CSMD1: variants seen among roughly 807,000 people sequenced by gnomAD.
The protein encoded by CSMD1 is CUB and Sushi multiple domains 1, also known as CUB and sushi domain-containing protein 1.
CSMD1 carries 213 observed loss-of-function variants against 417.5 expected under a neutral mutation model. That is an observed-to-expected ratio of 0.51 (90% confidence interval 0.46 to 0.57). The LOEUF is 0.57. CSMD1 is among the 20% of genes least tolerant of loss of function. The probability of loss-of-function intolerance (pLI) is 0.00; values close to 1 mark genes in which losing one functional copy is unlikely to be tolerated. For synonymous variants in CSMD1, 2,862 were observed against 1,736.8 expected, an observed-to-expected ratio of 1.65 and a Z score of -16.11; for missense variants, 6,923 against 4,529.7, an observed-to-expected ratio of 1.53 and a Z score of -15.17.
intron 3 of CSMD1, among the ~76,000 whole-genome samples, chr8:4,376,280 C>T (rs1000727772): frequency 2.6e-5 from 4 of 152,058 alleles, no homozygotes; most frequent in African/African-American, 9.7e-5. Context: ...TAAGAATGAC[C>T]TGTGGCCATT....
intron 2 of CSMD1, among the ~76,000 whole-genome samples, chr8:4,542,882 G>A (rs568634731): frequency 6.6e-6 from 1 of 151,950 alleles, no homozygotes; most frequent in African/African-American, 2.4e-5. Context: ...CACTCTAATA[G>A]AAATATATTA....
At chr8:3,324,190 C>A (rs1806352880) in intron 23 of CSMD1, among the ~76,000 whole-genome samples, 1 of 116,512 alleles carries the variant, frequency 8.6e-6, no homozygotes, top group African/African-American at 3.9e-5. Context: ...CCCCACCTTT[C>A]ATTGTTGTTA....
chr8:4,638,088 G>T (rs142046540), intron 1 of CSMD1, among the ~76,000 whole-genome samples: 1 of 152,194 alleles, frequency 6.6e-6, no homozygotes, highest in African/African-American at 2.4e-5. Flanking sequence ...GCAACATTTT[G>T]TAACTAATAT....
At chr8:4,478,579 A>T (rs886879531) in intron 2 of CSMD1, among the ~76,000 whole-genome samples, 13 of 152,182 alleles carry the variant, frequency 8.5e-5, no homozygotes, top group African/African-American at 2.9e-4. Flanking sequence ...AGTAAACGAC[A>T]TTAATAATGA....
At chr8:4,530,256 C>A (rs1449697997) in intron 2 of CSMD1, among the ~76,000 whole-genome samples, 13 of 135,644 alleles carry the variant, frequency 9.6e-5, no homozygotes, top group Non-Finnish European at 1.5e-5. Flanking sequence ...CATTTTGTGT[C>A]TTCATCATCC....
chr8:3,817,152 T>C (rs17744884), intron 5 of CSMD1, among the ~76,000 whole-genome samples: 29,126 of 150,326 alleles, frequency 0.19, 3,018 homozygotes, highest in Middle Eastern at 0.27. Flanking sequence ...CATGTGTTCC[T>C]CGAGTAGAAA....
intron 1 of CSMD1, among the ~76,000 whole-genome samples, chr8:4,743,753 G>C (rs755325535): frequency 1.3e-5 from 2 of 152,166 alleles, no homozygotes; most frequent in Non-Finnish European, 2.9e-5. Context: ...TTTAGGTACA[G>C]ACCTTGAAGT....
intron 5 of CSMD1, among the ~76,000 whole-genome samples, chr8:3,915,420 A>AACAAACAAAC (rs1554484722): frequency 0.017 from 2,557 of 150,184 alleles, 93 homozygotes; most frequent in African/African-American, 0.061. Flanking sequence ...AAAAAAAAAA[A>AACAAACAAAC]AAAAAAAAGA....
At chr8:3,900,492 T>C (rs1003521399) in intron 5 of CSMD1, among the ~76,000 whole-genome samples, 3 of 149,938 alleles carry the variant, frequency 2.0e-5, no homozygotes, top group African/African-American at 7.4e-5. Flanking sequence ...GTTGACAGTG[T>C]AGCTGGGTGA....
chr8:4,856,915 C>T (rs1801835604), intron 1 of CSMD1, among the ~76,000 whole-genome samples: 1 of 152,072 alleles, frequency 6.6e-6, no homozygotes. Context: ...ACCAAGTGGA[C>T]CTAATAGAAA....
chr8:3,405,794 G>T (rs929773335), intron 15 of CSMD1, among the ~76,000 whole-genome samples: 1 of 152,154 alleles, frequency 6.6e-6, no homozygotes, highest in East Asian at 1.9e-4. Context: ...ACCAGCCTGA[G>T]GCAGATCCTC....
intron 3 of CSMD1, among the ~76,000 whole-genome samples, chr8:4,306,424 G>A (rs956758924): frequency 9.2e-5 from 14 of 152,132 alleles, no homozygotes; most frequent in Non-Finnish European, 1.9e-4. Context: ...CAGTATCATC[G>A]TGAAAGTTCA....
chr8:4,292,735 T>C (rs1359197937), intron 3 of CSMD1, among the ~76,000 whole-genome samples: 1 of 152,182 alleles, frequency 6.6e-6, no homozygotes, highest in Admixed American at 6.5e-5. Flanking sequence ...ATTAGGCCTC[T>C]AGTATCTTCA....
At chr8:3,350,522 C>A (rs1808348258) in intron 21 of CSMD1, among the ~76,000 whole-genome samples, 1 of 152,074 alleles carries the variant, frequency 6.6e-6, no homozygotes, top group Admixed American at 6.6e-5. Flanking sequence ...TAAAAAATAT[C>A]CTAAATAACA....
intron 1 of CSMD1, among the ~76,000 whole-genome samples, chr8:4,949,935 C>G (rs1175197476): frequency 6.6e-6 from 1 of 151,784 alleles, no homozygotes; most frequent in Non-Finnish European, 1.5e-5. Context: ...TGTGTGTATT[C>G]TATCTACATT....
rs1253192594 is a variant in CSMD1, at chr8:4,077,295, G to GTATATATATATATATATA, written c.416-45197_416-45196insTATATATATATATATATA. ...ATTTGTCACCTATATATATATATAT[G>GTATATATATATATATATA]TGTATATATATATATATATATATAT... On this transcript the variant is annotated intron_variant, in intron 3 of 69. Transcript: ENST00000635120. 4.1e-3 allele frequency among the ~76,000 whole-genome samples: 368 copies of GTATATATATATATATATA among 88,800 alleles called. 4 individuals carry two copies. The highest frequency in any genetic ancestry group is 8.4e-3 in the African/African-American group (194 of 23,128). 58.3% of individuals were successfully genotyped at this position (88,800 alleles called of 152,430 possible).
At position 2,998,072 on chromosome 8, in the gene CSMD1, G is replaced by A. The variant is rs774272442; in HGVS notation, c.8316C>T (p.Gly2772=). The part of the protein sequence containing the change: ...FTCNTGYLLQ[G]VSRAQCRSNG... The stretch of plus-strand genomic sequence containing the variant: ...TGCTCCGACACTGGGCTCGAGACAC[G>A]CCCTGCAGCAAATAGCCCGTGTTGC... The change falls in exon 54 of 70, where the codon GGC becomes GGT. Residue 2772 remains glycine (G), a synonymous_variant. Coordinates refer to ENST00000635120, the MANE Select transcript of CSMD1 (RefSeq NM_033225.6). 3.2e-5 allele frequency: 52 copies of A among 1,613,840 alleles called. No individual in the cohort carries two copies. Among genetic ancestry groups the A allele is most frequent in the African/African-American group, 2.9e-4 (22 of 74,904 alleles).
chr8:3,090,880 G>T (rs13270198), intron 48 of CSMD1, among the ~76,000 whole-genome samples: 6,693 of 152,102 alleles, frequency 0.044, 219 homozygotes, highest in Middle Eastern at 0.12. Flanking sequence ...TTGTATACAG[G>T]ATTTAATGTC....
intron 2 of CSMD1, among the ~76,000 whole-genome samples, chr8:4,551,952 G>T (rs1393470202): frequency 1.3e-5 from 2 of 150,740 alleles, no homozygotes; most frequent in Non-Finnish European, 2.9e-5. Context: ...CTCCCAAAAT[G>T]CTGGGACTAC....
Sources: gnomAD v4.1 joint callset for allele counts (sites outside exome capture counted in the v4.1 genomes callset) on GRCh38, gnomAD v4.1.1 for gene constraint, MANE v1.5 for transcripts, NCBI Gene and HGNC (gene_info 2026-07-23, HGNC 2026-07-21) for gene names.